The following CDH20 variants were observed in gnomAD, a reference collection of about 807,000 sequenced individuals.
CDH20 encodes the protein cadherin-20.
Under a neutral mutation model 74.2 loss-of-function variants are expected in CDH20, and 29 were observed. The ratio of observed to expected loss-of-function variants is 0.39; its 90% CI spans 0.29 to 0.53. The LOEUF is 0.53. Ranked by LOEUF, CDH20 falls within the 20% of genes least tolerant of loss-of-function variation. The pLI, the probability that CDH20 is intolerant of heterozygous loss-of-function variation, is 0.69. For synonymous variants in CDH20, 469 were observed against 405.4 expected, an observed-to-expected ratio of 1.16 and a Z score of -1.88; for missense variants, 988 against 1,048.3, an observed-to-expected ratio of 0.94 and a Z score of 0.79.
At chr18:61,544,860 ACCCTGCCCTTCTCTACCCAGCATTT>A (rs1418821524) in intron 9 of CDH20, among the ~76,000 whole-genome samples, 142 bp from the exon 10 acceptor site, 1 of 152,044 alleles carries the variant, frequency 6.6e-6, no homozygotes, top group Non-Finnish European at 1.5e-5. Flanking sequence ...CTCACCAGGA[ACCCTGCCCTTCTCTACCCAGCATTT>A]CCCTGCCCCT....
intron 1 of CDH20, among the ~76,000 whole-genome samples, chr18:61,484,681 A>T (rs943022670): frequency 2.0e-5 from 3 of 151,976 alleles, no homozygotes; most frequent in African/African-American, 7.3e-5. Flanking sequence ...AGTTTTTCAA[A>T]GCCAGGGCTC....
intron 1 of CDH20, among the ~76,000 whole-genome samples, chr18:61,444,868 A>C (rs1396598522): frequency 6.6e-6 from 1 of 152,042 alleles, no homozygotes; most frequent in Non-Finnish European, 1.5e-5. Flanking sequence ...GGCCTTTTCT[A>C]ATATTTAGAA....
chr18:61,453,770 T>C (rs553768151), intron 1 of CDH20, among the ~76,000 whole-genome samples: 1 of 152,354 alleles, frequency 6.6e-6, no homozygotes, highest in South Asian at 2.1e-4. Flanking sequence ...GATATAAACA[T>C]TCGTGTACAT....
At chr18:61,416,888 A>G (rs139501204) in intron 1 of CDH20, among the ~76,000 whole-genome samples, 6 of 152,374 alleles carry the variant, frequency 3.9e-5, no homozygotes, top group African/African-American at 1.4e-4. Context: ...CACATACATG[A>G]AAAACAAACT....
intron 1 of CDH20, among the ~76,000 whole-genome samples, chr18:61,488,318 T>C (rs1910838997): frequency 6.6e-6 from 1 of 152,170 alleles, no homozygotes; most frequent in South Asian, 2.1e-4. Context: ...ATATATATTA[T>C]AAGCCCTTTC....
At chr18:61,391,929 C>G (rs895601198) in intron 1 of CDH20, among the ~76,000 whole-genome samples, 16 of 152,136 alleles carry the variant, frequency 1.1e-4, no homozygotes, top group African/African-American at 4.8e-5. Flanking sequence ...CTTCATTACT[C>G]TGCAACATCC....
At chr18:61,389,606 A>C (rs1334499393) in intron 1 of CDH20, among the ~76,000 whole-genome samples, 3 of 152,224 alleles carry the variant, frequency 2.0e-5, no homozygotes, top group African/African-American at 4.8e-5. Flanking sequence ...TTTCCAACAA[A>C]GAAGTTATGA....
chr18:61,407,583 C>T (rs1912372033), intron 1 of CDH20, among the ~76,000 whole-genome samples: 1 of 152,062 alleles, frequency 6.6e-6, no homozygotes, highest in Non-Finnish European at 1.5e-5. Context: ...AAATGGAAAC[C>T]CGCTGAAGGT....
chr18:61,492,863 C>G (rs886903503), intron 2 of CDH20, among the ~76,000 whole-genome samples: 1 of 152,164 alleles, frequency 6.6e-6, no homozygotes, highest in Non-Finnish European at 1.5e-5. Flanking sequence ...ATCCCCAAGG[C>G]CTAACACAGC....
At chr18:61,447,487 T>C (rs545796154) in intron 1 of CDH20, among the ~76,000 whole-genome samples, 106 of 152,268 alleles carry the variant, frequency 7.0e-4, no homozygotes, top group African/African-American at 2.2e-3. Flanking sequence ...CACAAAGAGA[T>C]TGGCGACGAG....
intron 1 of CDH20, among the ~76,000 whole-genome samples, chr18:61,457,214 T>C (rs7245146): frequency 0.031 from 4,793 of 152,180 alleles, 268 homozygotes; most frequent in African/African-American, 0.11. Flanking sequence ...TCAGTGGTTG[T>C]CTAATTATAG....
chr18:61,412,489 T>G (rs762755598), intron 1 of CDH20, among the ~76,000 whole-genome samples: 31 of 152,218 alleles, frequency 2.0e-4, no homozygotes, highest in Non-Finnish European at 4.0e-4. Flanking sequence ...ATACTCAACA[T>G]GTACACAGAT....
intron 1 of CDH20, among the ~76,000 whole-genome samples, chr18:61,366,984 A>G (rs925673365): frequency 6.6e-6 from 1 of 152,204 alleles, no homozygotes; most frequent in African/African-American, 2.4e-5. Context: ...TCTTATGTCC[A>G]TCTGTGGTAT....
At chr18:61,536,657 T>A (rs1912828113) in intron 8 of CDH20, 28 bp downstream of exon 8, 1 of 1,605,074 alleles carries the variant, frequency 6.2e-7, no homozygotes, top group African/African-American at 1.3e-5. Context: ...TTGGTCTCCA[T>A]GCAGTGACAA....
At chr18:61,413,405 A>G (rs755107316) in intron 1 of CDH20, among the ~76,000 whole-genome samples, 1 of 152,156 alleles carries the variant, frequency 6.6e-6, no homozygotes, top group Non-Finnish European at 1.5e-5. Flanking sequence ...GCTATATAGA[A>G]AAATACTCGC....
intron 6 of CDH20, among the ~76,000 whole-genome samples, chr18:61,517,340 G>C (rs1287943093): frequency 6.6e-6 from 1 of 152,204 alleles, no homozygotes; most frequent in Admixed American, 6.5e-5. Flanking sequence ...CTCCCAGTGA[G>C]ATCAATGCAG....
intron 7 of CDH20, among the ~76,000 whole-genome samples, chr18:61,531,870 C>G (rs1394708030): frequency 6.6e-6 from 1 of 152,170 alleles, no homozygotes; most frequent in Non-Finnish European, 1.5e-5. Context: ...TGTTTGCGTC[C>G]CTTTCCACTA....
chr18:61,425,782 C>G (rs940188402), intron 1 of CDH20, among the ~76,000 whole-genome samples: 1 of 152,110 alleles, frequency 6.6e-6, no homozygotes, highest in Non-Finnish European at 1.5e-5. Flanking sequence ...CACGAAAAAC[C>G]TCAGAAATAA....
intron 1 of CDH20, among the ~76,000 whole-genome samples, chr18:61,359,310 A>AT (rs1304480661): frequency 4.6e-5 from 7 of 151,730 alleles, no homozygotes; most frequent in Admixed American, 4.6e-4. Context: ...TCTTCTAAAG[A>AT]TTTTTTTGGC....
Sources: allele counts gnomAD v4.1 joint callset (sites outside exome capture counted in the v4.1 genomes callset), GRCh38; gene constraint gnomAD v4.1.1; transcripts MANE v1.5; gene names NCBI Gene and HGNC (gene_info 2026-07-23, HGNC 2026-07-21).